The following CCL28 variants were observed in gnomAD, a reference collection of about 807,000 sequenced individuals.
The protein encoded by CCL28 is C-C motif chemokine ligand 28.
A neutral mutation model predicts 7.1 loss-of-function variants in CCL28; 4 were observed. The ratio of observed to expected loss-of-function variants is 0.56; its 90% CI spans 0.28 to 1.29. CCL28 has a LOEUF of 1.29. Among genes scored for constraint, CCL28 ranks in the 50% most tolerant of loss-of-function variants. The pLI is 0.11. For synonymous variants in CCL28, 55 were observed against 57.8 expected, an observed-to-expected ratio of 0.95 and a Z score of 0.22; for missense variants, 151 against 163.4, an observed-to-expected ratio of 0.92 and a Z score of 0.41.
intron 1 of CCL28, among the ~76,000 whole-genome samples, chr5:43,410,151 C>T (rs1156578437): frequency 1.3e-5 from 2 of 152,202 alleles, no homozygotes; most frequent in Non-Finnish European, 2.9e-5. Context: ...GGCCACCTGT[C>T]CTCTTCTCTG....
Position 43,401,989 on chromosome 5 carries a change from A to G in CCL28, c.64+10264T>C, listed in dbSNP as rs533188397. Among the ~76,000 whole-genome samples the G allele has an allele frequency of 9.8e-5, 15 of 152,294 alleles. No homozygotes were observed. The East Asian group carries it at 1.9e-3, about 20-fold the overall frequency. ...TTCTGCAGTGCTTTAGCTTCAGTGC[A>G]TGGCAACTAGCAGCACCCCTACAGG... On this transcript the variant is annotated intron_variant, in intron 1 of 2. Coordinates refer to ENST00000361115, the MANE Select transcript of CCL28 (RefSeq NM_148672.3).
chr5:43,393,063 GA>G (rs1476713462), intron 1 of CCL28, among the ~76,000 whole-genome samples: 2 of 152,078 alleles, frequency 1.3e-5, no homozygotes, highest in African/African-American at 2.4e-5. Flanking sequence ...TTGTGAGTCA[GA>G]AAAAAAGTTT....
At chr5:43,365,297 C>T in the CCL28 span, among the ~76,000 whole-genome samples, 1 of 152,120 alleles carries the variant, frequency 6.6e-6, no homozygotes, top group African/African-American at 2.4e-5. Context: ...GCCACTGTGC[C>T]CAGTGGTCTT....
chr5:43,398,858 A>AT (rs397958527), intron 1 of CCL28, among the ~76,000 whole-genome samples: 1 of 151,724 alleles, frequency 6.6e-6, no homozygotes. Flanking sequence ...TCAAAAAAAA[A>AT]GAAGAGAAAT....
chr5:43,361,829 C>G, the CCL28 span, among the ~76,000 whole-genome samples: 1 of 148,662 alleles, frequency 6.7e-6, no homozygotes, highest in Non-Finnish European at 1.5e-5. Context: ...TCTGGGCTCT[C>G]TATTCTGTTC....
downstream of CCL28, among the ~76,000 whole-genome samples, chr5:43,374,938 G>A (rs1739855985): frequency 6.6e-6 from 1 of 152,046 alleles, no homozygotes. Context: ...TTGAAATAGT[G>A]AAGTTTAATG....
At chr5:43,400,386 CTA>C (rs1245828792) in intron 1 of CCL28, among the ~76,000 whole-genome samples, 1 of 152,072 alleles carries the variant, frequency 6.6e-6, no homozygotes, top group Non-Finnish European at 1.5e-5. Flanking sequence ...GGGTCTCACT[CTA>C]TTGCTCAGGC....
chr5:43,398,023 A>C (rs755422793), intron 1 of CCL28, among the ~76,000 whole-genome samples: 7 of 152,170 alleles, frequency 4.6e-5, no homozygotes, highest in Non-Finnish European at 1.0e-4. Context: ...TCTAGTACCG[A>C]CATGTTTCTT....
rs548606609 is a variant in CCL28 at position 43,403,980 on chromosome 5, A to G, written c.64+8273T>C. Among the ~76,000 whole-genome samples, 5 of 152,152 alleles carry G rather than the reference A, an allele frequency of 3.3e-5. No individual in the cohort carries two copies. The East Asian group carries it at 5.8e-4, about 18-fold the overall frequency. On this transcript the variant is annotated intron_variant, in intron 1 of 2. Transcript: ENST00000361115. ...GAGAAAAAAGAATAAAAAGAAATGAACAAAGCCTCCAAGAAATATGGGACT... is the reference window on the plus strand; with the variant it reads ...GAGAAAAAAGAATAAAAAGAAATGAGCAAAGCCTCCAAGAAATATGGGACT...
downstream of CCL28, among the ~76,000 whole-genome samples, chr5:43,375,458 TAAAAAAAAAAAAAAAAA>T (rs56289620): frequency 1.2e-4 from 4 of 32,736 alleles, no homozygotes; most frequent in Admixed American, 6.0e-4. Flanking sequence ...GACAGAAAGC[TAAAAAAAAAAAAAAAAA>T]AAAAAAAAAA....
intron 1 of CCL28, among the ~76,000 whole-genome samples, chr5:43,406,178 G>C (rs1363370342): frequency 8.6e-5 from 13 of 152,032 alleles, no homozygotes; most frequent in Non-Finnish European, 2.9e-5. Context: ...ACCAAAGCCT[G>C]ACAGAGACAC....
At chr5:43,399,129 C>A (rs1377490986) in intron 1 of CCL28, among the ~76,000 whole-genome samples, 2 of 152,190 alleles carry the variant, frequency 1.3e-5, no homozygotes, top group Non-Finnish European at 2.9e-5. Flanking sequence ...TCATCTCCTG[C>A]CACTTTAAAT....
intron 1 of CCL28, among the ~76,000 whole-genome samples, chr5:43,394,423 T>C (rs1740715094): frequency 6.6e-6 from 1 of 152,218 alleles, no homozygotes; most frequent in Non-Finnish European, 1.5e-5. Flanking sequence ...TATATTGTCT[T>C]CCCATTCATA....
intron 1 of CCL28, among the ~76,000 whole-genome samples, chr5:43,407,479 T>C (rs933573238): frequency 1.3e-5 from 2 of 152,162 alleles, no homozygotes; most frequent in African/African-American, 2.4e-5. Context: ...TTACACCTTA[T>C]ACAAAAATTA....
intron 2 of CCL28, among the ~76,000 whole-genome samples, chr5:43,383,320 T>G (rs1427338540): frequency 6.6e-6 from 1 of 152,176 alleles, no homozygotes; most frequent in African/African-American, 2.4e-5. Flanking sequence ...CCAGATAAAT[T>G]GAAACTTCTG....
the CCL28 span, among the ~76,000 whole-genome samples, chr5:43,364,449 C>A: frequency 4.0e-5 from 6 of 151,796 alleles, no homozygotes; most frequent in African/African-American, 1.5e-4. Flanking sequence ...ATCAAAACAT[C>A]AAATTGTACC....
At chr5:43,397,133 A>C (rs1443664836) in intron 1 of CCL28, 1 of 152,226 alleles carries the variant, frequency 6.6e-6, no homozygotes, top group Admixed American at 6.5e-5. Context: ...TACTACGCGA[A>C]GGGTAGGTAG....
chr5:43,372,923 C>T (rs147754187), downstream of CCL28, among the ~76,000 whole-genome samples: 141 of 151,824 alleles, frequency 9.3e-4, no homozygotes, highest in African/African-American at 3.4e-3. Flanking sequence ...CTCAGCCTCC[C>T]GAGAACCTGG....
chr5:43,359,676 A>G, the CCL28 span, among the ~76,000 whole-genome samples: 6 of 152,156 alleles, frequency 3.9e-5, no homozygotes, highest in Admixed American at 3.3e-4. Context: ...GTTTTTCTAT[A>G]ATACTTTACT....
Sources: allele counts gnomAD v4.1 joint callset (sites outside exome capture counted in the v4.1 genomes callset), GRCh38; gene constraint gnomAD v4.1.1; transcripts MANE v1.5; gene names NCBI Gene and HGNC (gene_info 2026-07-23, HGNC 2026-07-21).